Variants in COL14A1 observed in about 807,000 individuals in gnomAD.
COL14A1 encodes collagen alpha-1(XIV) chain.
A neutral mutation model predicts 230.3 loss-of-function variants in COL14A1; 136 were observed. The ratio of observed to expected loss-of-function variants is 0.59; its 90% CI spans 0.51 to 0.68. COL14A1 has a LOEUF of 0.68. Among genes scored for constraint, COL14A1 ranks in the 30% least tolerant of loss-of-function variants. The pLI, the probability that COL14A1 is intolerant of heterozygous loss-of-function variation, is 0.00. For missense variants in COL14A1, 1,976 were observed against 2,215.8 expected (o/e 0.89, Z 2.17); for synonymous variants, 792 against 784.1 (o/e 1.01, Z -0.17).
At chr8:120,279,410 G>A (rs1819966562) in intron 28 of COL14A1, among the ~76,000 whole-genome samples, 2 of 152,004 alleles carry the variant, frequency 1.3e-5, no homozygotes, top group South Asian at 4.1e-4. Context: ...CTCTTAATCT[G>A]TAAAATAGAG....
At chr8:120,360,656 A>G (rs117014567) in intron 45 of COL14A1, among the ~76,000 whole-genome samples, 1 of 152,288 alleles carries the variant, frequency 6.6e-6, no homozygotes, top group Non-Finnish European at 1.5e-5. Context: ...CTGTGCTCTC[A>G]TATTCTGCTG....
intron 23 of COL14A1, among the ~76,000 whole-genome samples, chr8:120,256,922 C>G (rs1294362089): frequency 6.6e-6 from 1 of 152,058 alleles, no homozygotes; most frequent in Non-Finnish European, 1.5e-5. Context: ...ATATTCGTTG[C>G]CTTTCATAAA....
intron 40 of COL14A1, among the ~76,000 whole-genome samples, chr8:120,330,628 T>C (rs190729146): frequency 7.9e-5 from 12 of 152,274 alleles, no homozygotes; most frequent in African/African-American, 2.2e-4. Context: ...GTGGGAATTA[T>C]GGGAGCTACA....
At chr8:120,239,914 T>C (rs998413223) in intron 19 of COL14A1, among the ~76,000 whole-genome samples, 2 of 152,026 alleles carry the variant, frequency 1.3e-5, no homozygotes, top group African/African-American at 2.4e-5. Flanking sequence ...TTCCTGTTAA[T>C]TTGGAAAGAA....
At chr8:120,255,479 A>C (rs982985805) in intron 23 of COL14A1, 123 bp downstream of exon 23, 1 of 773,206 alleles carries the variant, frequency 1.3e-6, no homozygotes, top group African/African-American at 1.7e-5. Flanking sequence ...AGCAATTTGT[A>C]TTGGTCAGTC....
chr8:120,198,049 TC>T, intron 7 of COL14A1, 119 bp downstream of exon 7: 3 of 981,060 alleles, frequency 3.1e-6, no homozygotes, highest in Non-Finnish European at 4.5e-6. Flanking sequence ...CACTTAGGAT[TC>T]TTTGATGGCT....
At chr8:120,186,456 A>C (rs1407698538) in intron 5 of COL14A1, among the ~76,000 whole-genome samples, 4 of 152,238 alleles carry the variant, frequency 2.6e-5, no homozygotes, top group African/African-American at 9.6e-5. Context: ...ATAGAACAAA[A>C]TAATTCAAAG....
intron 5 of COL14A1, among the ~76,000 whole-genome samples, chr8:120,181,900 C>T (rs979384145): frequency 1.3e-5 from 2 of 152,022 alleles, no homozygotes; most frequent in Non-Finnish European, 2.9e-5. Flanking sequence ...TGCAGTAAGC[C>T]GAGATGGCAC....
chr8:120,338,052 A>T (rs554181481), intron 42 of COL14A1, among the ~76,000 whole-genome samples: 1 of 152,306 alleles, frequency 6.6e-6, no homozygotes, highest in East Asian at 1.9e-4. Flanking sequence ...TACCATGTCA[A>T]TCAGGTTTGC....
intron 10 of COL14A1, 139 bp downstream of exon 10, chr8:120,207,233 C>A: frequency 1.3e-6 from 1 of 790,666 alleles, no homozygotes; most frequent in Non-Finnish European, 1.9e-6. Context: ...TACATTTCCA[C>A]TTGTTCATAT....
At chr8:120,157,755 G>C (rs1246699086) in intron 2 of COL14A1, among the ~76,000 whole-genome samples, 3 of 152,138 alleles carry the variant, frequency 2.0e-5, no homozygotes, top group Non-Finnish European at 4.4e-5. Flanking sequence ...GGAGGCCGAG[G>C]CGGGTGGATC....
chr8:120,185,685 A>G (rs147308136), intron 5 of COL14A1, among the ~76,000 whole-genome samples: 3 of 152,178 alleles, frequency 2.0e-5, no homozygotes, highest in African/African-American at 7.2e-5. Flanking sequence ...AAAGAAGAAG[A>G]AAAAAATAGC....
At chr8:120,368,256 G>C (rs1823474856) in intron 46 of COL14A1, among the ~76,000 whole-genome samples, 1 of 152,050 alleles carries the variant, frequency 6.6e-6, no homozygotes, top group African/African-American at 2.4e-5. Context: ...TATAATGTCA[G>C]TCTTAGCCAC....
chr8:120,233,693 C>T (rs977594932), intron 19 of COL14A1, among the ~76,000 whole-genome samples: 2 of 152,046 alleles, frequency 1.3e-5, no homozygotes, highest in Non-Finnish European at 2.9e-5. Flanking sequence ...GTTTTGGTAC[C>T]AATACCAAGC....
At chr8:120,265,531 C>T (rs1430573837) in intron 24 of COL14A1, among the ~76,000 whole-genome samples, 2 of 151,794 alleles carry the variant, frequency 1.3e-5, no homozygotes, top group Non-Finnish European at 2.9e-5. Flanking sequence ...GTCAACCTCC[C>T]TCTTTCCTTG....
chr8:120,194,231 C>T (rs943950655), intron 5 of COL14A1, among the ~76,000 whole-genome samples: 21 of 152,136 alleles, frequency 1.4e-4, no homozygotes, highest in South Asian at 4.1e-4. Flanking sequence ...GTGAAATATG[C>T]CTAGTTGTAG....
At chr8:120,216,764 C>T (rs1408752445) in intron 14 of COL14A1, among the ~76,000 whole-genome samples, 1 of 152,046 alleles carries the variant, frequency 6.6e-6, no homozygotes, top group African/African-American at 2.4e-5. Flanking sequence ...GTCTGGGGAG[C>T]CTGGAACAGC....
At chr8:120,297,639 T>C (rs1290778357) in intron 35 of COL14A1, 51 bp downstream of exon 35, 2 of 1,113,290 alleles carry the variant, frequency 1.8e-6, no homozygotes, top group Non-Finnish European at 2.4e-6. Flanking sequence ...TATTTAATTT[T>C]CTGGAAATGA....
rs1419019812 is a variant in COL14A1 at position 120,208,291 on chromosome 8, A to C, written c.1251A>C (p.Glu417Asp). The C allele has an allele frequency of 6.2e-7, 1 of 1,613,656 alleles. No individual in the cohort carries two copies. Among genetic ancestry groups the C allele is most frequent in the Non-Finnish European group, 8.5e-7 (1 of 1,179,700 alleles). ...TGAAAAACTTGATGTCTTTAACTGA[A>C]TATCAGATAGCAGTCTTTGCAATCT... ...TVLKNLMSLT[E>D]YQIAVFAIYA... The change falls in exon 11 of 48, where the codon GAA becomes GAC. Residue 417 changes from glutamate (E) to aspartate (D), a missense_variant. Physicochemically the swap from Glu to Asp is conservative, Grantham distance 45 (BLOSUM62 2). Coordinates refer to ENST00000297848, the MANE Select transcript of COL14A1 (RefSeq NM_021110.4).
Sources: allele counts gnomAD v4.1 joint callset (sites outside exome capture counted in the v4.1 genomes callset), GRCh38; gene constraint gnomAD v4.1.1; transcripts MANE v1.5; gene names NCBI Gene and HGNC (gene_info 2026-07-23, HGNC 2026-07-21).